Variants in ZNF536 observed in about 807,000 individuals in gnomAD.
The protein encoded by ZNF536 is zinc finger protein 536.
A neutral mutation model predicts 84.5 loss-of-function variants in ZNF536; 13 were observed. The ratio of observed to expected loss-of-function variants is 0.15; its 90% confidence interval spans 0.10 to 0.24. The LOEUF is 0.24. ZNF536 is among the 10% of genes least tolerant of loss of function. ZNF536 has a pLI of 1.00. For synonymous variants in ZNF536, 811 were observed against 742.5 expected (o/e 1.09, Z -1.50); for missense variants, 1,536 against 1,747.5 (o/e 0.88, Z 2.16).
chr19:30,607,354 A>G (rs1200556808), intron 1 of ZNF536, among the ~76,000 whole-genome samples: 1 of 151,910 alleles, frequency 6.6e-6, no homozygotes, highest in Non-Finnish European at 1.5e-5. Context: ...TATTATTCTC[A>G]TTGTTAATTT....
chr19:30,287,871 C>T (rs1449067547), intron 2 of ZNF536, among the ~76,000 whole-genome samples: 1 of 152,118 alleles, frequency 6.6e-6, no homozygotes, highest in Non-Finnish European at 1.5e-5. Flanking sequence ...CTATCTCAAG[C>T]CCTAACATGT....
At chr19:30,621,666 T>G (rs530523230) in intron 1 of ZNF536, among the ~76,000 whole-genome samples, 1 of 152,346 alleles carries the variant, frequency 6.6e-6, no homozygotes, top group East Asian at 1.9e-4. Flanking sequence ...ACATGTAAAG[T>G]TACAACAGAC....
At chr19:30,428,793 A>G (rs544985763) in intron 1 of ZNF536, among the ~76,000 whole-genome samples, 32 of 152,350 alleles carry the variant, frequency 2.1e-4, no homozygotes, top group African/African-American at 7.0e-4. Flanking sequence ...TCCCTTGTGC[A>G]GAGAGAAACA....
intron 1 of ZNF536, among the ~76,000 whole-genome samples, chr19:30,418,163 C>A (rs1261958965): frequency 6.6e-6 from 1 of 151,532 alleles, no homozygotes; most frequent in East Asian, 1.9e-4. Context: ...TGATGTCTAT[C>A]AAAATGATCA....
intron 1 of ZNF536, among the ~76,000 whole-genome samples, chr19:30,572,295 G>A (rs2046576190): frequency 6.6e-6 from 1 of 152,206 alleles, no homozygotes; most frequent in South Asian, 2.1e-4. Context: ...ACATTCATGG[G>A]AGAGGGGTGT....
chr19:30,389,840 G>A (rs956147368), intron 1 of ZNF536, among the ~76,000 whole-genome samples: 3 of 152,188 alleles, frequency 2.0e-5, no homozygotes, highest in Non-Finnish European at 2.9e-5. Context: ...AGGGCCACTT[G>A]GCTGCTGAGT....
chr19:30,234,599 A>G (rs1301085507), intron 1 of ZNF536, among the ~76,000 whole-genome samples: 1 of 151,572 alleles, frequency 6.6e-6, no homozygotes, highest in African/African-American at 2.4e-5. Context: ...ACAGGGTTTC[A>G]CCATGTTAGC....
chr19:30,661,623 G>A (rs770995763), intron 1 of ZNF536, among the ~76,000 whole-genome samples: 5 of 152,214 alleles, frequency 3.3e-5, no homozygotes, highest in South Asian at 2.1e-4. Flanking sequence ...AAAGACTTTC[G>A]CATAAGGATA....
intron 1 of ZNF536, among the ~76,000 whole-genome samples, chr19:30,632,996 G>T (rs943070288): frequency 6.6e-6 from 1 of 152,208 alleles, no homozygotes; most frequent in South Asian, 2.1e-4. Context: ...ATGCCTGCTT[G>T]TGAGAGTTCT....
At position 30,453,048 on chromosome 19, in the gene ZNF536, C is replaced by T. The variant is rs747667185; in HGVS notation, c.2170+7316C>T. On this transcript the variant is annotated intron_variant, in intron 2 of 4. Coordinates refer to ENST00000355537, the MANE Select transcript of ZNF536 (RefSeq NM_014717.3). ...AAGTGAGCTTTGCTGCAGCTGAGAG[C>T]GGCCATGGGTCCCCCTTGTCTTTTG... 6.4e-4 allele frequency among the ~76,000 whole-genome samples: 97 copies of T among 152,128 alleles called. 1 individual carries two copies. The highest frequency in any genetic ancestry group is 6.8e-4 in the Non-Finnish European group (46 of 68,012).
At chr19:30,625,000 T>C (rs1042162686) in intron 1 of ZNF536, among the ~76,000 whole-genome samples, 2 of 152,168 alleles carry the variant, frequency 1.3e-5, no homozygotes, top group Non-Finnish European at 2.9e-5. Flanking sequence ...CCTGAGGGCC[T>C]CCCCAGCCAT....
intron 1 of ZNF536, among the ~76,000 whole-genome samples, chr19:30,665,991 G>T (rs1334538368): frequency 6.6e-6 from 1 of 152,156 alleles, no homozygotes; most frequent in African/African-American, 2.4e-5. Flanking sequence ...TTGGGATCCT[G>T]GGGTCCAGGC....
intron 1 of ZNF536, among the ~76,000 whole-genome samples, chr19:30,673,651 C>G (rs945817769): frequency 4.6e-5 from 7 of 152,188 alleles, no homozygotes; most frequent in Non-Finnish European, 1.0e-4. Context: ...GCCTGCAGTG[C>G]CCCTAAGCCT....
intron 2 of ZNF536, among the ~76,000 whole-genome samples, chr19:30,326,777 T>G (rs2047041742): frequency 7.1e-6 from 1 of 140,724 alleles, no homozygotes; most frequent in Non-Finnish European, 1.6e-5. Flanking sequence ...CTGGGAGATT[T>G]TTTTTATAAA....
At chr19:30,395,108 G>A (rs150182344) in intron 1 of ZNF536, among the ~76,000 whole-genome samples, 82 of 152,254 alleles carry the variant, frequency 5.4e-4, no homozygotes, top group African/African-American at 1.9e-3. Flanking sequence ...TAGGGCTTTC[G>A]TTGTGTACAA....
intron 2 of ZNF536, among the ~76,000 whole-genome samples, chr19:30,294,076 C>T (rs530845844): frequency 2.6e-5 from 4 of 152,310 alleles, no homozygotes; most frequent in South Asian, 2.1e-4. Flanking sequence ...CCTGACTCTT[C>T]TACTCCGACG....
chr19:30,637,388 A>G (rs2049105686), intron 1 of ZNF536, among the ~76,000 whole-genome samples: 1 of 152,210 alleles, frequency 6.6e-6, no homozygotes, highest in African/African-American at 2.4e-5. Flanking sequence ...ACTTCTGTCC[A>G]TCCCCTGTGG....
intron 1 of ZNF536, among the ~76,000 whole-genome samples, chr19:30,433,561 G>A (rs978648574): frequency 2.0e-5 from 3 of 152,126 alleles, no homozygotes; most frequent in East Asian, 1.9e-4. Context: ...GCAATGGCGC[G>A]ATCTCGGTTC....
chr19:30,308,006 T>C (rs2046391516), intron 2 of ZNF536, among the ~76,000 whole-genome samples: 1 of 152,266 alleles, frequency 6.6e-6, no homozygotes, highest in South Asian at 2.1e-4. Flanking sequence ...TATTAAATCA[T>C]TCTTTTCTGG....
Sources: gnomAD v4.1 joint callset for allele counts (sites outside exome capture counted in the v4.1 genomes callset) on GRCh38, gnomAD v4.1.1 for gene constraint, MANE v1.5 for transcripts, NCBI Gene and HGNC (gene_info 2026-07-23, HGNC 2026-07-21) for gene names.